Variants in CAMTA1 observed in about 807,000 individuals in gnomAD.
CAMTA1 encodes calmodulin-binding transcription activator 1.
In CAMTA1, 27 loss-of-function variants were observed where a neutral mutation model predicts 170.9. The ratio of observed to expected loss-of-function variants is 0.16; its 90% confidence interval spans 0.12 to 0.22. CAMTA1 has a LOEUF of 0.22. CAMTA1 is among the 10% of genes least tolerant of loss of function. The pLI is 1.00. For synonymous variants in CAMTA1, 833 were observed against 891.5 expected, an observed-to-expected ratio of 0.93 and a Z score of 1.17; for missense variants, 1,619 against 2,217.2, an observed-to-expected ratio of 0.73 and a Z score of 5.42.
At chr1:7,517,398 C>A (rs1170599752) in intron 6 of CAMTA1, among the ~76,000 whole-genome samples, 5 of 152,102 alleles carry the variant, frequency 3.3e-5, no homozygotes, top group Non-Finnish European at 7.4e-5. Context: ...AAAGCTGTTC[C>A]CCAACCTGTG....
chr1:6,836,579 G>A (rs1359710884), intron 3 of CAMTA1, among the ~76,000 whole-genome samples: 5 of 151,162 alleles, frequency 3.3e-5, no homozygotes, highest in Non-Finnish European at 7.4e-5. Context: ...CCACATGTGT[G>A]TGTATGTGTG....
intron 5 of CAMTA1, among the ~76,000 whole-genome samples, chr1:7,420,137 A>T (rs2091461727): frequency 6.6e-6 from 1 of 152,008 alleles, no homozygotes; most frequent in African/African-American, 2.4e-5. Context: ...CACCCTCCTG[A>T]ACCCATGCTG....
At chr1:7,564,945 G>C (rs1389659259) in intron 6 of CAMTA1, among the ~76,000 whole-genome samples, 1 of 151,924 alleles carries the variant, frequency 6.6e-6, no homozygotes, top group African/African-American at 2.4e-5. Context: ...GAGAAGGAGA[G>C]AGAGAAGCAA....
Position 7,500,279 on chromosome 1 carries a change from C to A in CAMTA1, c.510+32378C>A, listed in dbSNP as rs372389858. On this transcript the variant is annotated intron_variant, in intron 6 of 22. Coordinates refer to ENST00000303635, the MANE Select transcript of CAMTA1 (RefSeq NM_015215.4). ...GGATTGTGTGAGCCTGGTGTGCGTG[C>A]ATATGTATATGAGTGTGTGTGTGCA... Among the ~76,000 whole-genome samples, 9 of 54,186 alleles carry A rather than the reference C, an allele frequency of 1.7e-4. No individual in the cohort carries two copies. In the South Asian group the frequency reaches 1.8e-3, roughly 11 times the overall value. The allele number at this position is 54,186 out of a possible 152,430, so 35.5% of individuals were successfully genotyped here. A position where few individuals can be genotyped will look rare whatever the true frequency, so the allele number is the denominator to read the frequency against.
intron 4 of CAMTA1, among the ~76,000 whole-genome samples, chr1:7,229,354 C>T (rs1016952843): frequency 6.9e-6 from 1 of 145,322 alleles, no homozygotes; most frequent in Non-Finnish European, 1.5e-5. Context: ...GACCACGAGG[C>T]AGCTGGAGGC....
intron 3 of CAMTA1, among the ~76,000 whole-genome samples, chr1:6,969,935 G>A (rs1224050356): frequency 6.6e-6 from 1 of 152,250 alleles, no homozygotes; most frequent in South Asian, 2.1e-4. Flanking sequence ...TCGATACAGT[G>A]CACATGTGCA....
intron 5 of CAMTA1, among the ~76,000 whole-genome samples, chr1:7,272,715 A>AAAAAAAAAAAAAAAAAAAAAC: frequency 7.0e-6 from 1 of 142,600 alleles, no homozygotes; most frequent in Non-Finnish European, 1.5e-5. Context: ...AAAAAAAAAA[A>AAAAAAAAAAAAAAAAAAAAAC]AGAAAAGAAA....
At chr1:7,270,238 TATACATACACAC>T (rs1321401321) in intron 5 of CAMTA1, among the ~76,000 whole-genome samples, 1 of 72,094 alleles carries the variant, frequency 1.4e-5, no homozygotes, top group African/African-American at 8.9e-5. Context: ...TATACACATA[TATACATACACAC>T]ACACACACAC....
At chr1:7,287,075 G>A (rs1157098921) in intron 5 of CAMTA1, among the ~76,000 whole-genome samples, 1 of 152,192 alleles carries the variant, frequency 6.6e-6, no homozygotes, top group Non-Finnish European at 1.5e-5. Flanking sequence ...TGGAGCAACT[G>A]CAACTTTTTT....
At chr1:7,471,015 G>T (rs1207021874) in intron 6 of CAMTA1, among the ~76,000 whole-genome samples, 1 of 152,210 alleles carries the variant, frequency 6.6e-6, no homozygotes, top group East Asian at 1.9e-4. Context: ...CTGTGGTGAC[G>T]TATCCACCCC....
intron 1 of CAMTA1, among the ~76,000 whole-genome samples, chr1:6,798,405 C>G (rs1161154021): frequency 1.3e-5 from 2 of 152,130 alleles, no homozygotes; most frequent in African/African-American, 2.4e-5. Context: ...TTCAAAAAGT[C>G]TGGAATACTG....
At chr1:7,400,699 G>A (rs2089830020) in intron 5 of CAMTA1, among the ~76,000 whole-genome samples, 2 of 152,102 alleles carry the variant, frequency 1.3e-5, no homozygotes, top group African/African-American at 2.4e-5. Flanking sequence ...ATTGGCTTTG[G>A]TTCCAGGTAG....
At chr1:6,982,844 G>A (rs910539751) in intron 3 of CAMTA1, among the ~76,000 whole-genome samples, 2 of 152,172 alleles carry the variant, frequency 1.3e-5, no homozygotes, top group African/African-American at 4.8e-5. Context: ...GAGCGATCCT[G>A]CCTCAGTGGC....
At chr1:7,087,881 T>G (rs1640954050) in intron 3 of CAMTA1, among the ~76,000 whole-genome samples, 1 of 152,256 alleles carries the variant, frequency 6.6e-6, no homozygotes, top group Non-Finnish European at 1.5e-5. Flanking sequence ...CATGGCTCCA[T>G]GCCATTTAGC....
In CAMTA1 at chr1:7,493,458, AAC is replaced by A. The variant is rs538615450; in HGVS notation, c.510+25563_510+25564del. On this transcript the variant is annotated intron_variant, in intron 6 of 22. Coordinates refer to ENST00000303635, the MANE Select transcript of CAMTA1 (RefSeq NM_015215.4). ...ACACAAACATACAAACACACGTGCA[AAC>A]ACACAAAAACATATAAACAGGCGTG... Among the ~76,000 whole-genome samples the A allele has an allele frequency of 7.0e-3, 1,057 of 151,156 alleles. 8 individuals carry two copies. The highest frequency in any genetic ancestry group is 0.012 in the Non-Finnish European group (786 of 67,824).
At position 7,748,388 on chromosome 1, in the gene CAMTA1, A is replaced by G. The variant is rs2096872637; in HGVS notation, c.4689+607A>G. Among the ~76,000 whole-genome samples the G allele has an allele frequency of 6.6e-6, 1 of 152,098 alleles. No individual in the cohort carries two copies. The highest frequency in any genetic ancestry group is 1.5e-5 in the Non-Finnish European group (1 of 68,004). On this transcript the variant is annotated intron_variant, in intron 19 of 22. Transcript: ENST00000303635. The surrounding 1 kb of genome is among the most constrained non-coding windows in gnomAD (Gnocchi z 4.7). ...GATGTCCAGCTTGGACCTCGTCTCAAAAAAAAACCAGAGGAAAACAAAATA... is the reference window on the plus strand; with the variant it reads ...GATGTCCAGCTTGGACCTCGTCTCAGAAAAAAACCAGAGGAAAACAAAATA...
chr1:6,814,789 T>C (rs1229258224), intron 1 of CAMTA1, among the ~76,000 whole-genome samples: 1 of 152,230 alleles, frequency 6.6e-6, no homozygotes, highest in Non-Finnish European at 1.5e-5. Flanking sequence ...TAAATATTCT[T>C]TGTCTTTATT....
intron 5 of CAMTA1, among the ~76,000 whole-genome samples, chr1:7,272,767 AT>A (rs1170275173): frequency 1.3e-5 from 2 of 151,614 alleles, no homozygotes; most frequent in African/African-American, 2.4e-5. Flanking sequence ...TACAGAAAAA[AT>A]AATTCAAAGT....
chr1:7,654,853 TAC>T (rs1027298306), intron 7 of CAMTA1, among the ~76,000 whole-genome samples: 3 of 125,342 alleles, frequency 2.4e-5, no homozygotes, highest in Admixed American at 8.6e-5. Context: ...CACCCACCTG[TAC>T]ACATACCCAC....
Sources: gnomAD v4.1 joint callset for allele counts (sites outside exome capture counted in the v4.1 genomes callset) on GRCh38, gnomAD v4.1.1 for gene constraint, Gnocchi (gnomAD v3.1) non-coding constraint, MANE v1.5 for transcripts, NCBI Gene and HGNC (gene_info 2026-07-23, HGNC 2026-07-21) for gene names.